Variants in RNF123 observed in about 807,000 individuals in gnomAD.
RNF123 encodes E3 ubiquitin-protein ligase RNF123.
Under a neutral mutation model 168.5 loss-of-function variants are expected in RNF123, and 86 were observed. The ratio of observed to expected loss-of-function variants is 0.51; its 90% CI spans 0.43 to 0.61. The LOEUF (loss-of-function observed/expected upper bound fraction) is 0.61. Among genes scored for constraint, RNF123 ranks in the 20% least tolerant of loss-of-function variants. RNF123 has a pLI of 0.00. For synonymous variants in RNF123, 666 were observed against 689.1 expected, an observed-to-expected ratio of 0.97 and a Z score of 0.52; for missense variants, 1,419 against 1,729.7, an observed-to-expected ratio of 0.82 and a Z score of 3.19.
chr3:49,701,416 GGCT>G lies in RNF123; in HGVS notation c.1278-74_1278-72del, dbSNP rs1427386156. 3.5e-6 allele frequency: 4 copies of G among 1,144,954 alleles called. No homozygotes were observed. The African/African-American group carries it at 6.1e-5, about 17-fold the overall frequency. 70.9% of individuals were successfully genotyped at this position (1,144,954 alleles called of 1,614,324 possible). ...GCTGTGGTAGGCACATCCAGGGATG[GGCT>G]CCTGGGGAAGGACTCTTGAGGGTGT... On this transcript the variant is annotated intron_variant, in intron 15 of 38. Transcript: ENST00000327697.
chr3:49,712,480 A>G lies in RNF123; in HGVS notation c.2498A>G (p.Glu833Gly). The change falls in exon 27 of 39, where the codon GAG (glutamate) becomes GGG (glycine). Residue 833 changes from glutamate to glycine, a missense_variant and splice_region_variant. Glu to Gly is a moderately conservative substitution (Grantham distance 98). Coordinates refer to ENST00000327697, the MANE Select transcript of RNF123 (RefSeq NM_022064.5). ...CAGCACCCCGTGTGCCTCCTGCAGG[A>G]GAAGATGCTGGACATCTACTGGCTG... ...AWVHATVYSQ[E>G]KMLDIYWLLR... 6.2e-7 allele frequency: 1 copy of G among 1,613,986 alleles called. No individual in the cohort carries two copies. Among genetic ancestry groups the G allele is most frequent in the Non-Finnish European group, 8.5e-7 (1 of 1,180,030 alleles).
Position 49,697,468 on chromosome 3 carries a change from G to T in RNF123, c.342+11G>T, listed in dbSNP as rs371105583. The T allele has an allele frequency of 7.6e-6, 12 of 1,586,252 alleles. No individual in the cohort carries two copies. Among genetic ancestry groups the T allele is most frequent in the African/African-American group, 1.3e-5 (1 of 74,108 alleles). ...GATGACCTGCTGGGGGTGAGTGAGG[G>T]TGAGGTGTGGAGACCCAGGTCCAGC... On this transcript the variant is annotated intron_variant, in intron 5 of 38. Coordinates refer to ENST00000327697, the MANE Select transcript of RNF123 (RefSeq NM_022064.5).
Position 49,702,685 on chromosome 3 carries a change from T to C in RNF123, c.1682T>C (p.Leu561Pro). 1 of 1,614,252 alleles carries C rather than the reference T, an allele frequency of 6.2e-7. No individual in the cohort carries two copies. The highest frequency in any genetic ancestry group is 8.5e-7 in the Non-Finnish European group (1 of 1,180,024). Reference protein sequence around the residue: ...PEYMVCFLHRLISALRYYWDE... With the variant: ...PEYMVCFLHRPISALRYYWDE... The stretch of plus-strand genomic sequence containing the variant: ...TACATGGTCTGCTTCTTACACCGGC[T>C]GATCTCTGCCCTGCGCTACTATTGG... Residue 561 changes from leucine to proline, a missense_variant, in exon 20 of 39, where the codon CTG becomes CCG. Leu to Pro is a moderately conservative substitution (Grantham distance 98). Coordinates refer to ENST00000327697, the MANE Select transcript of RNF123 (RefSeq NM_022064.5).
Position 49,701,878 on chromosome 3 carries a change from G to C in RNF123, c.1463G>C (p.Arg488Pro). Residue 488 changes from arginine (R) to proline (P), a missense_variant, in exon 17 of 39, where the codon CGG becomes CCG. By Grantham distance (103) the Arg-to-Pro change is moderately radical. Around this residue, in one of 5 missense-constraint regions of RNF123, gnomAD observed 349 missense variants for 344.9 expected, o/e 1.01. Transcript: ENST00000327697. The part of the protein sequence containing the change: ...EERLRRRAYE[R>P]GCQRLRKRIE... ...CGGCTGCGGCGGCGAGCCTACGAACGGGGCTGTCAGCGGCTCAGGAAGCGC... is the reference window on the plus strand; with the variant it reads ...CGGCTGCGGCGGCGAGCCTACGAACCGGGCTGTCAGCGGCTCAGGAAGCGC... The C allele has an allele frequency of 6.4e-7, 1 of 1,565,888 alleles. No homozygotes were observed. Among genetic ancestry groups the C allele is most frequent in the South Asian group, 1.2e-5 (1 of 85,196 alleles).
rs200716053 is a variant in RNF123 at position 49,700,223 on chromosome 3, G to A, written c.985-4G>A. The stretch of plus-strand genomic sequence containing the variant: ...CACCTCACCAGTGCCTGGCCTTGGT[G>A]CAGCGCAAGGTGTATCTGGTGGAGG... On this transcript the variant is annotated splice_polypyrimidine_tract_variant and splice_region_variant and intron_variant, in intron 12 of 38. Transcript: ENST00000327697. The A allele has an allele frequency of 3.5e-5, 56 of 1,614,014 alleles. No individual in the cohort carries two copies. Among genetic ancestry groups the A allele is most frequent in the Middle Eastern group, 3.3e-4 (2 of 6,082 alleles).
chr3:49,702,305 G>A, intron 18 of RNF123, 29 bp from the exon 19 acceptor site: 1 of 1,612,578 alleles, frequency 6.2e-7, no homozygotes, highest in Non-Finnish European at 8.5e-7. Context: ...TCTCAGCTCA[G>A]CACAGCCTCA....
In RNF123 at chr3:49,699,478, G is replaced by A; in HGVS notation, c.775G>A (p.Ala259Thr). The A allele has an allele frequency of 6.2e-7, 1 of 1,603,418 alleles. No individual in the cohort carries two copies. The change falls in exon 11 of 39, where the codon GCA becomes ACA. Residue 259 changes from alanine to threonine, a missense_variant. This residue lies in a region of RNF123 where 318 missense variants were observed against 446.6 expected (regional missense o/e 0.71). Coordinates refer to ENST00000327697, the MANE Select transcript of RNF123 (RefSeq NM_022064.5). This position sits in a 1 kb window ranked among gnomAD's most constrained non-coding sequence, Gnocchi z 4.8. ...FGSRPLRYPVAGYRPLQDPPS... is the reference protein window; with the variant it reads ...FGSRPLRYPVTGYRPLQDPPS... Reference sequence around the variant, plus strand: ...GCTTAACTCTGGCACCTACCCAGTGGCAGGCTACCGGCCCCTGCAGGACCC... The same window carrying A: ...GCTTAACTCTGGCACCTACCCAGTGACAGGCTACCGGCCCCTGCAGGACCC...
At chr3:49,703,290 T>A in intron 20 of RNF123, 137 bp from the exon 21 acceptor site, 1 of 672,640 alleles carries the variant, frequency 1.5e-6, no homozygotes, top group Non-Finnish European at 2.6e-6. Flanking sequence ...GGAGACAGTT[T>A]CTCTGTCTGC....
chr3:49,708,972 T>G (rs1240549760), intron 26 of RNF123, among the ~76,000 whole-genome samples: 1 of 152,070 alleles, frequency 6.6e-6, no homozygotes, highest in Non-Finnish European at 1.5e-5. Flanking sequence ...TAATTTTAAT[T>G]TTTTATTTTT....
At chr3:49,721,140 C>G in intron 38 of RNF123, 35 bp downstream of exon 38, 1 of 1,614,026 alleles carries the variant, frequency 6.2e-7, no homozygotes, top group Admixed American at 1.7e-5. Flanking sequence ...GTGGGGAGAG[C>G]AGTAGGTACA....
At chr3:49,716,761 G>C (rs1191437118) in intron 35 of RNF123, 3 of 425,432 alleles carry the variant, frequency 7.1e-6, no homozygotes, top group East Asian at 8.5e-5. Flanking sequence ...CAGGACTCCG[G>C]AGGGTGTGCC....
chr3:49,720,594 C>T lies in RNF123; in HGVS notation c.3584C>T (p.Pro1195Leu), dbSNP rs2080381472. ...TGCTATCTCCTGGGACAGCCAGAGC[C>T]CCCAGCACCTGGCACTGCTCTGCCA... ...SICYLLGQPEPPAPGTALPAP... is the reference protein window; with the variant it reads ...SICYLLGQPELPAPGTALPAP... Residue 1195 changes from proline to leucine, a missense_variant, in exon 36 of 39, where the codon CCC becomes CTC. Transcript: ENST00000327697. 6.2e-7 allele frequency: 1 copy of T among 1,611,686 alleles called. No individual in the cohort carries two copies. The highest frequency in any genetic ancestry group is 8.5e-7 in the Non-Finnish European group (1 of 1,178,548).
At position 49,699,996 on chromosome 3, in the gene RNF123, A is replaced by T. The variant is rs1046831682; in HGVS notation, c.984+224A>T. ...GATGTCCTGGAAAGAAGACTGAAGG[A>T]TAATAACATCCCAGGCCAAGGAAAC... On this transcript the variant is annotated intron_variant, in intron 12 of 38. Transcript: ENST00000327697. This position sits in a 1 kb window ranked among gnomAD's most constrained non-coding sequence, Gnocchi z 4.8. The T allele has an allele frequency of 1.5e-6, 1 of 686,504 alleles. No homozygotes were observed. Among genetic ancestry groups the T allele is most frequent in the Non-Finnish European group, 2.4e-6 (1 of 411,972 alleles). 42.5% of individuals were successfully genotyped at this position (686,504 alleles called of 1,614,324 possible).
intron 3 of RNF123, among the ~76,000 whole-genome samples, chr3:49,692,128 C>T (rs542630161): frequency 5.3e-5 from 8 of 152,060 alleles, no homozygotes; most frequent in Non-Finnish European, 1.0e-4. Flanking sequence ...ACCTGTAGTC[C>T]CAGCTGTTAG....
Position 49,704,771 on chromosome 3 carries a change from G to A in RNF123, c.1959+15G>A. ...CTATGGCCCAGGTGCCGCAGTGGGG[G>A]CAGGCGGTGGGATTTGTGTTGGGCT... On this transcript the variant is annotated intron_variant, in intron 22 of 38. Coordinates refer to ENST00000327697, the MANE Select transcript of RNF123 (RefSeq NM_022064.5). 1.3e-6 allele frequency: 2 copies of A among 1,558,278 alleles called. No individual in the cohort carries two copies. The highest frequency in any genetic ancestry group is 2.0e-5 in the Admixed American group (1 of 49,346).
rs1207421735 is a variant in RNF123, at chr3:49,691,484, C to T, written c.142C>T (p.His48Tyr). 6.2e-7 allele frequency: 1 copy of T among 1,614,164 alleles called. No individual in the cohort carries two copies. Among genetic ancestry groups the T allele is most frequent in the Non-Finnish European group, 8.5e-7 (1 of 1,180,008 alleles). The part of the protein sequence containing the change: ...YLNRIFSSSE[H>Y]APPAATSRKP... ...GAACCGCATCTTTTCCTCTTCTGAA[C>T]ATGCACCCCCAGCAGCCACCAGCAG... is the stretch of plus-strand genomic sequence containing the variant. Residue 48 changes from histidine to tyrosine, a missense_variant, in exon 3 of 39, where the codon CAT becomes TAT. Transcript: ENST00000327697.
chr3:49,718,111 T>A (rs755271766), intron 35 of RNF123: 3 of 1,613,570 alleles, frequency 1.9e-6, no homozygotes, highest in Non-Finnish European at 2.5e-6. Flanking sequence ...GACTACGTGC[T>A]TGTGGACGCT....
chr3:49,718,835 TGAG>T (rs2080314665), intron 35 of RNF123: 1 of 1,613,424 alleles, frequency 6.2e-7, no homozygotes, highest in Non-Finnish European at 8.5e-7. Flanking sequence ...AGGCCGTTCT[TGAG>T]GAAGGCCGGC....
intron 35 of RNF123, chr3:49,718,901 C>T: frequency 5.6e-6 from 9 of 1,613,658 alleles, no homozygotes; most frequent in African/African-American, 1.3e-5. Flanking sequence ...GAGGAGAGGT[C>T]CAGAGTAAGC....
Sources: allele counts gnomAD v4.1 joint callset (sites outside exome capture counted in the v4.1 genomes callset), GRCh38; gene constraint gnomAD v4.1.1; regional missense constraint gnomAD v4.1.1; non-coding constraint Gnocchi (gnomAD v3.1); transcripts MANE v1.5; gene names NCBI Gene and HGNC (gene_info 2026-07-23, HGNC 2026-07-21).